CPEB4: variants seen among roughly 807,000 people sequenced by gnomAD.
CPEB4 encodes the protein cytoplasmic polyadenylation element binding protein 4.
CPEB4 carries 12 observed loss-of-function variants against 72.5 expected under a neutral mutation model. That is an observed-to-expected ratio of 0.17 (90% CI 0.11 to 0.27). The LOEUF (loss-of-function observed/expected upper bound fraction) is 0.27, where lower values mean the gene tolerates loss of function less well. CPEB4 is among the 10% of genes least tolerant of loss of function. The probability of loss-of-function intolerance (pLI) is 1.00; values close to 1 mark genes in which losing one functional copy is unlikely to be tolerated. For missense variants in CPEB4, 614 were observed against 908.5 expected, an observed-to-expected ratio of 0.68 and a Z score of 4.17; for synonymous variants, 302 against 326.3, an observed-to-expected ratio of 0.93 and a Z score of 0.80.
At position 173,955,838 on chromosome 5, in the gene CPEB4, G is replaced by A. The variant is rs562295125; in HGVS notation, c.1963-72G>A. 2.2e-5 allele frequency: 27 copies of A among 1,212,914 alleles called. No individual in the cohort carries two copies. The African/African-American group carries it at 2.8e-4, about 13-fold the overall frequency. The allele number at this position is 1,212,914 out of a possible 1,614,324, so 75.1% of individuals were successfully genotyped here. A position where few individuals can be genotyped will look rare whatever the true frequency, so the allele number is the denominator to read the frequency against. On this transcript the variant is annotated intron_variant, in intron 9 of 9. Transcript: ENST00000265085. This position sits in a 1 kb window ranked among gnomAD's most constrained non-coding sequence, Gnocchi z 4.7. ...GAACAGATTCATTCAGATAGTGGGT[G>A]GAAATGTACATGTATGGTAAGCATT...
In CPEB4 at chr5:173,910,208, AT is replaced by A. The variant is rs879913346; in HGVS notation, c.1126-303del. On this transcript the variant is annotated intron_variant, in intron 1 of 9. Transcript: ENST00000265085. ...TTGCAATCTTAAGTGATGGGAAAGA[AT>A]TTTTTTTTTTTACACTTATGTAATG... Among the ~76,000 whole-genome samples the A allele has an allele frequency of 1.6e-3, 234 of 147,348 alleles. 1 individual carries two copies. The highest frequency in any genetic ancestry group is 3.5e-3 in the Middle Eastern group (1 of 284).
At chr5:173,913,857 C>G (rs1756768221) in intron 2 of CPEB4, among the ~76,000 whole-genome samples, 1 of 152,214 alleles carries the variant, frequency 6.6e-6, no homozygotes, top group Non-Finnish European at 1.5e-5. Flanking sequence ...CACTCTGTCA[C>G]TACAGTCTGT....
At position 173,949,551 on chromosome 5, in the gene CPEB4, G is replaced by C. The variant is rs370168957; in HGVS notation, c.1500G>C (p.Val500=). Reference sequence around the variant, plus strand: ...TTCGTCGCTTTGGCCCTCTGATTGTGGATTGGCCTCATAAAGCTGAGAGCA... The same window carrying C: ...TTCGTCGCTTTGGCCCTCTGATTGTCGATTGGCCTCATAAAGCTGAGAGCA... ...ASFRRFGPLI[V]DWPHKAESKS... The change falls in exon 6 of 10, where the codon GTG becomes GTC. Residue 500 remains valine, a synonymous_variant. Transcript: ENST00000265085. 9 of 1,613,388 alleles carry C rather than the reference G, an allele frequency of 5.6e-6. No homozygotes were observed. Among genetic ancestry groups the C allele is most frequent in the Non-Finnish European group, 6.8e-6 (8 of 1,179,674 alleles).
At chr5:173,891,006 G>A in intron 1 of CPEB4, 148 bp downstream of exon 1, 1 of 779,800 alleles carries the variant, frequency 1.3e-6, no homozygotes, top group South Asian at 2.1e-5. Flanking sequence ...ATTTTAGCAG[G>A]AGTGTAATTG....
chr5:173,943,421 G>A (rs1450320256), intron 4 of CPEB4, among the ~76,000 whole-genome samples: 1 of 152,044 alleles, frequency 6.6e-6, no homozygotes, highest in East Asian at 1.9e-4. Flanking sequence ...CATTATCTTG[G>A]AGGTTTAATT....
chr5:173,930,958 T>C (rs1200087351), intron 2 of CPEB4, among the ~76,000 whole-genome samples: 1 of 136,556 alleles, frequency 7.3e-6, no homozygotes, highest in African/African-American at 2.8e-5. Context: ...GCCACTGCAC[T>C]CCAGCCTTGG....
intron 1 of CPEB4, among the ~76,000 whole-genome samples, chr5:173,909,754 C>T (rs1756573885): frequency 6.6e-6 from 1 of 151,912 alleles, no homozygotes; most frequent in Admixed American, 6.6e-5. Context: ...AATCCCAGCA[C>T]TTTGGGAGGC....
chr5:173,889,927 C>T lies in CPEB4; in HGVS notation c.194C>T (p.Pro65Leu), dbSNP rs374041557. ...GGGTCAGCTTGGCTTTTTCCTGCTC[C>T]AGCTACCCATAACATTCAGGATGAG... ...SAGSAWLFPA[P>L]ATHNIQDEIL... is the part of the protein sequence containing the mutation. The change falls in exon 1 of 10, where the codon CCA becomes CTA. Residue 65 changes from proline to leucine, a missense_variant. Pro to Leu is a moderately conservative substitution (Grantham distance 98, BLOSUM62 -3). Around this residue, in one of 5 missense-constraint regions of CPEB4, gnomAD observed 458 missense variants for 548.6 expected, o/e 0.83. Coordinates refer to ENST00000265085, the MANE Select transcript of CPEB4 (RefSeq NM_030627.4). 3.7e-6 allele frequency: 6 copies of T among 1,614,010 alleles called. No homozygotes were observed. The highest frequency in any genetic ancestry group is 1.3e-5 in the African/African-American group (1 of 74,892).
chr5:173,944,092 C>T (rs1178198183), intron 4 of CPEB4, among the ~76,000 whole-genome samples: 5 of 152,082 alleles, frequency 3.3e-5, no homozygotes, highest in South Asian at 2.1e-4. Flanking sequence ...ATATTCTGGA[C>T]GATAAGATTT....
chr5:173,907,894 A>C (rs992486362), intron 1 of CPEB4, among the ~76,000 whole-genome samples: 1 of 152,226 alleles, frequency 6.6e-6, no homozygotes, highest in African/African-American at 2.4e-5. Flanking sequence ...TGTGGTAGGC[A>C]TACTGGAAAT....
At chr5:173,946,679 A>G (rs1047739495) in intron 5 of CPEB4, among the ~76,000 whole-genome samples, 2 of 152,150 alleles carry the variant, frequency 1.3e-5, no homozygotes, top group African/African-American at 2.4e-5. Context: ...TAATTTTCTT[A>G]CAATAGAGCT....
chr5:173,890,230 C>A lies in CPEB4; in HGVS notation c.497C>A (p.Thr166Asn). 6.2e-7 allele frequency: 1 copy of A among 1,614,128 alleles called. No homozygotes were observed. Among genetic ancestry groups the A allele is most frequent in the Non-Finnish European group, 8.5e-7 (1 of 1,179,992 alleles). Residue 166 changes from threonine to asparagine, a missense_variant, in exon 1 of 10, where the codon ACT becomes AAT. Coordinates refer to ENST00000265085, the MANE Select transcript of CPEB4 (RefSeq NM_030627.4). ...QPLTSSASSL[T>N]GFSNWSAAIA... ...TTGACATCTAGCGCATCGTCTCTTA[C>A]TGGTTTCAGTAACTGGTCAGCAGCG... is the stretch of plus-strand genomic sequence containing the variant.
Position 173,888,397 on chromosome 5 carries a change from G to T in CPEB4, c.-1337G>T. On this transcript the variant is annotated 5_prime_UTR_variant, in exon 1 of 10. Coordinates refer to ENST00000265085, the MANE Select transcript of CPEB4 (RefSeq NM_030627.4). This position sits in a 1 kb window ranked among gnomAD's most constrained non-coding sequence, Gnocchi z 4.3. ...GGACTCAGCCGCGGCTGCGGGACCC[G>T]GGCACCGGGAGGCGGTGGCGGCGGC... is the stretch of plus-strand genomic sequence containing the variant. The T allele has an allele frequency of 2.2e-6, 1 of 454,676 alleles. No homozygotes were observed. Among genetic ancestry groups the T allele is most frequent in the Non-Finnish European group, 3.8e-6 (1 of 263,672 alleles). The allele number at this position is 454,676 out of a possible 1,614,324, so 28.2% of individuals were successfully genotyped here. A position where few individuals can be genotyped will look rare whatever the true frequency, so the allele number is the denominator to read the frequency against.
intron 2 of CPEB4, among the ~76,000 whole-genome samples, chr5:173,925,141 T>C (rs1033500816): frequency 6.6e-6 from 1 of 152,148 alleles, no homozygotes; most frequent in African/African-American, 2.4e-5. Context: ...GTTGAAGTTA[T>C]GGGCCAGCAG....
chr5:173,943,420 G>A (rs911260671), intron 4 of CPEB4, among the ~76,000 whole-genome samples: 4 of 152,032 alleles, frequency 2.6e-5, no homozygotes, highest in Non-Finnish European at 5.9e-5. Flanking sequence ...TCATTATCTT[G>A]GAGGTTTAAT....
chr5:173,919,840 T>C (rs1435480489), intron 2 of CPEB4, among the ~76,000 whole-genome samples: 2 of 152,210 alleles, frequency 1.3e-5, no homozygotes, highest in Non-Finnish European at 2.9e-5. Flanking sequence ...TCTACCTGAA[T>C]GTTGTATGCA....
Position 173,890,261 on chromosome 5 carries a change from G to A in CPEB4, c.528G>A (p.Ala176=). ...TCAGTAACTGGTCAGCAGCGATAGC[G>A]CCTTCCTCCTCTACAATAATCAATG... ...TGFSNWSAAI[A]PSSSTIINED... The change falls in exon 1 of 10, where the codon GCG becomes GCA. Residue 176 remains alanine (A), a synonymous_variant. Transcript: ENST00000265085. 6.2e-7 allele frequency: 1 copy of A among 1,614,044 alleles called. No individual in the cohort carries two copies. The highest frequency in any genetic ancestry group is 8.5e-7 in the Non-Finnish European group (1 of 1,179,992).
intron 6 of CPEB4, 99 bp from the exon 7 acceptor site, chr5:173,949,861 T>G: frequency 2.3e-6 from 2 of 864,636 alleles, no homozygotes; most frequent in Middle Eastern, 2.2e-4. Context: ...TTTTTCCTAT[T>G]CCTTTTTCCT....
Position 173,945,087 on chromosome 5 carries a change from A to G in CPEB4, c.1403A>G (p.Glu468Gly). The G allele has an allele frequency of 6.2e-7, 1 of 1,613,816 alleles. No individual in the cohort carries two copies. The highest frequency in any genetic ancestry group is 8.5e-7 in the Non-Finnish European group (1 of 1,179,880). ...AGTCACCAGAATGGGGAAAGAGTGG[A>G]ACGATATTCTCGAAAGGTGTTTGTA... ...CFSHQNGERV[E>G]RYSRKVFVGG... is the part of the protein sequence containing the mutation. The change falls in exon 5 of 10, where the codon GAA becomes GGA. Residue 468 changes from glutamate to glycine, a missense_variant. Physicochemically the swap from Glu to Gly is moderately conservative, Grantham distance 98. Around this residue, in one of 5 missense-constraint regions of CPEB4, gnomAD observed 458 missense variants for 548.6 expected, o/e 0.83. Coordinates refer to ENST00000265085, the MANE Select transcript of CPEB4 (RefSeq NM_030627.4).
Sources: allele counts gnomAD v4.1 joint callset (sites outside exome capture counted in the v4.1 genomes callset), GRCh38; gene constraint gnomAD v4.1.1; regional missense constraint gnomAD v4.1.1; non-coding constraint Gnocchi (gnomAD v3.1); transcripts MANE v1.5; gene names NCBI Gene and HGNC (gene_info 2026-07-23, HGNC 2026-07-21).